CERS5: variants seen among roughly 807,000 people sequenced by gnomAD.
CERS5 encodes ceramide synthase 5.
CERS5 carries 37 observed loss-of-function variants against 58.9 expected under a neutral mutation model. That is an observed-to-expected ratio of 0.63 (90% CI 0.48 to 0.83). CERS5 has a LOEUF of 0.83. CERS5 is among the 40% of genes least tolerant of loss of function. The probability of loss-of-function intolerance (pLI) is 0.00; values close to 1 mark genes in which losing one functional copy is unlikely to be tolerated. For synonymous variants in CERS5, 147 were observed against 177.8 expected (o/e 0.83, Z 1.38); for missense variants, 398 against 489.3 (o/e 0.81, Z 1.76).
intron 9 of CERS5, among the ~76,000 whole-genome samples, chr12:50,132,774 C>T (rs902141469): frequency 6.6e-6 from 1 of 152,114 alleles, no homozygotes; most frequent in Non-Finnish European, 1.5e-5. Context: ...AAAAAGTAGA[C>T]TCAATTCTTG....
intron 1 of CERS5, among the ~76,000 whole-genome samples, chr12:50,163,897 GC>G (rs1222431950): frequency 2.0e-5 from 3 of 150,662 alleles, no homozygotes; most frequent in African/African-American, 7.3e-5. Flanking sequence ...CAAGTGATCT[GC>G]CCTCCTCGGC....
intron 9 of CERS5, among the ~76,000 whole-genome samples, chr12:50,131,237 C>T (rs2137977503): frequency 6.6e-6 from 1 of 152,274 alleles, no homozygotes; most frequent in East Asian, 1.9e-4. Flanking sequence ...CTTCCCTTTC[C>T]CAATAGCAAG....
chr12:50,166,838 C>G (rs1019148487), intron 1 of CERS5, among the ~76,000 whole-genome samples: 3 of 152,282 alleles, frequency 2.0e-5, no homozygotes, highest in South Asian at 2.1e-4. Flanking sequence ...TATGACCCCC[C>G]CAATCCAACT....
At chr12:50,135,311 GT>G (rs1951627129) in intron 8 of CERS5, 4 of 25,580 alleles carry the variant, frequency 1.6e-4, no homozygotes, top group African/African-American at 5.3e-4. Flanking sequence ...AGAGAGGAGT[GT>G]GTGTGTGTGT....
rs757978868 is a variant in CERS5, at chr12:50,143,066, G to A, written c.434+8C>T. 35 of 1,596,902 alleles carry A rather than the reference G, an allele frequency of 2.2e-5. No homozygotes were observed. Among genetic ancestry groups the A allele is most frequent in the Admixed American group, 1.4e-4 (8 of 58,426 alleles). Reference sequence around the variant, plus strand: ...CCTTATTCCCTCCCTCCCTCCTTGCGTACTTACATGCTTTCACAGAATTTA... The same window carrying A: ...CCTTATTCCCTCCCTCCCTCCTTGCATACTTACATGCTTTCACAGAATTTA... On this transcript the variant is annotated splice_region_variant and intron_variant, in intron 3 of 9. Coordinates refer to ENST00000317551, the MANE Select transcript of CERS5 (RefSeq NM_147190.5).
chr12:50,141,188 C>G (rs1458929959), intron 4 of CERS5, among the ~76,000 whole-genome samples: 1 of 152,020 alleles, frequency 6.6e-6, no homozygotes, highest in African/African-American at 2.4e-5. Flanking sequence ...GTAGCTGGGA[C>G]TACAGGTGCA....
rs776073108 is a variant in CERS5 at position 50,135,734 on chromosome 12, G to A, written c.870C>T (p.Phe290=). The change falls in exon 8 of 10, where the codon TTC becomes TTT. Residue 290 remains phenylalanine (F), a splice_region_variant and synonymous_variant. Transcript: ENST00000317551. ...AACTCTACAGCCCTACCACTTACCA[G>A]AATGGATAGATTCCTAGTCGTGTAA... ...FMVTRLGIYP[F]WILNTTLFES... is the part of the protein sequence containing the mutation. 7 of 1,605,756 alleles carry A rather than the reference G, an allele frequency of 4.4e-6. No homozygotes were observed. The South Asian group carries it at 7.7e-5, about 18-fold the overall frequency.
intron 1 of CERS5, among the ~76,000 whole-genome samples, chr12:50,153,125 A>G (rs975171126): frequency 6.6e-6 from 1 of 152,052 alleles, no homozygotes; most frequent in African/African-American, 2.4e-5. Context: ...ATTTCAAGAA[A>G]AGCATTGTTG....
At chr12:50,154,093 G>A (rs932776269) in intron 1 of CERS5, 3 of 257,402 alleles carry the variant, frequency 1.2e-5, no homozygotes, top group South Asian at 6.3e-5. Flanking sequence ...GGCGTGGCAC[G>A]CCTGTAATCC....
rs1439434670 is a variant in CERS5 at position 50,167,101 on chromosome 12, C to T, written c.197G>A (p.Arg66Gln). The change falls in exon 1 of 10, where the codon CGA becomes CAA. Residue 66 changes from arginine to glutamine, a missense_variant and splice_region_variant. Physicochemically the swap from Arg to Gln is conservative, Grantham distance 43. Transcript: ENST00000317551. ...GAGCCGCTCGCTCCCGGGCTCTCAC[C>T]GCTCGAAGAGCAGCCTCACGAAGAA... ...GIFFVRLLFE[R>Q]FIAKPCALCI... 9 of 1,534,184 alleles carry T rather than the reference C, an allele frequency of 5.9e-6. No individual in the cohort carries two copies. The highest frequency in any genetic ancestry group is 7.9e-6 in the Non-Finnish European group (9 of 1,145,354).
At chr12:50,138,702 G>A in intron 4 of CERS5, 85 bp from the exon 5 acceptor site, 2 of 1,230,688 alleles carry the variant, frequency 1.6e-6, no homozygotes, top group Admixed American at 3.4e-5. Flanking sequence ...CTTCTCTCTA[G>A]GCTGGGGCAA....
chr12:50,135,324 T>A, intron 8 of CERS5: 2 of 347,574 alleles, frequency 5.8e-6, no homozygotes, highest in South Asian at 2.4e-5. Flanking sequence ...TGTGTGTGTG[T>A]GTGTGTGTGT....
At position 50,143,102 on chromosome 12, in the gene CERS5, G is replaced by A; in HGVS notation, c.406C>T (p.Pro136Ser). Residue 136 changes from proline (P) to serine (S), a missense_variant, in exon 3 of 10, where the codon CCA becomes TCA. Transcript: ENST00000317551. The stretch of plus-strand genomic sequence containing the variant: ...CTTTCACAGAATTTAGTAAGCGTTG[G>A]GGGCTTGTCCTGATTCCTCCGATGG... Reference protein sequence around the residue: ...FRHRRNQDKPPTLTKFCESMW... With the variant: ...FRHRRNQDKPSTLTKFCESMW... 6.2e-7 allele frequency: 1 copy of A among 1,612,652 alleles called. No homozygotes were observed. The highest frequency in any genetic ancestry group is 8.5e-7 in the Non-Finnish European group (1 of 1,179,208).
intron 1 of CERS5, among the ~76,000 whole-genome samples, chr12:50,162,609 CTT>C (rs35326678): frequency 4.1e-5 from 6 of 145,710 alleles, no homozygotes; most frequent in South Asian, 2.2e-4. Flanking sequence ...CTCTCTCTCT[CTT>C]TTTTTTTTTT....
chr12:50,136,201 G>C, intron 6 of CERS5, 132 bp from the exon 7 acceptor site: 1 of 747,032 alleles, frequency 1.3e-6, no homozygotes, highest in Non-Finnish European at 1.9e-6. Flanking sequence ...GGCCGGGCGA[G>C]GTGGCTCATG....
intron 4 of CERS5, among the ~76,000 whole-genome samples, chr12:50,141,311 C>G (rs1951961450): frequency 6.6e-6 from 1 of 152,130 alleles, no homozygotes; most frequent in Non-Finnish European, 1.5e-5. Flanking sequence ...CTTGGCCTCC[C>G]AAAGTGTTAA....
chr12:50,155,669 A>G (rs1050545171), intron 1 of CERS5, among the ~76,000 whole-genome samples: 16 of 138,592 alleles, frequency 1.2e-4, no homozygotes, highest in African/African-American at 4.0e-4. Flanking sequence ...CCCGGGAGGC[A>G]GAGCTTGCAG....
intron 1 of CERS5, among the ~76,000 whole-genome samples, chr12:50,151,882 T>G (rs1020109457): frequency 6.6e-6 from 1 of 152,208 alleles, no homozygotes; most frequent in Admixed American, 6.5e-5. Context: ...TGGCCTCTAG[T>G]GGATTCACCC....
In CERS5 at chr12:50,132,850, A is replaced by C. The variant is rs185319739; in HGVS notation, c.1029+1696T>G. 6.5e-3 allele frequency: 7,879 copies of C among 1,205,352 alleles called. 112 individuals carry two copies. Among genetic ancestry groups the C allele is most frequent in the South Asian group, 0.039 (2,666 of 67,542 alleles). 74.7% of individuals were successfully genotyped at this position (1,205,352 alleles called of 1,614,324 possible). On this transcript the variant is annotated intron_variant, in intron 9 of 9. Transcript: ENST00000317551. Reference sequence around the variant, plus strand: ...AATAATGGCCCCGAAAAGTCAGGAGAGAGGGCATGCTCTGAGACAAACACA... The same window carrying C: ...AATAATGGCCCCGAAAAGTCAGGAGCGAGGGCATGCTCTGAGACAAACACA...
Sources: allele counts gnomAD v4.1 joint callset (sites outside exome capture counted in the v4.1 genomes callset), GRCh38; gene constraint gnomAD v4.1.1; transcripts MANE v1.5; gene names NCBI Gene and HGNC (gene_info 2026-07-23, HGNC 2026-07-21).